Variants in MSN observed in about 807,000 individuals in gnomAD.
The protein encoded by MSN is epididymis luminal protein 70.
A neutral mutation model predicts 48.0 loss-of-function variants in MSN; 2 were observed. The ratio of observed to expected loss-of-function variants is 0.04; its 90% CI spans 0.02 to 0.13. The LOEUF (loss-of-function observed/expected upper bound fraction) is 0.13, where lower values mean the gene tolerates loss of function less well. MSN is among the 10% of genes least tolerant of loss of function. The pLI, the probability that MSN is intolerant of heterozygous loss-of-function variation, is 1.00. For missense variants in MSN, 267 were observed against 470.1 expected, an observed-to-expected ratio of 0.57 and a Z score of 3.99; for synonymous variants, 146 against 166.9, an observed-to-expected ratio of 0.87 and a Z score of 0.97.
chrX:65,653,545 A>G (rs759855594), intron 1 of MSN, among the ~76,000 whole-genome samples: 1 of 110,567 alleles, frequency 9.0e-6, no homozygotes, highest in Admixed American at 9.7e-5. Flanking sequence ...AGGGGCTACT[A>G]TACATTAGGC....
At position 65,741,067 on chromosome X, in the gene MSN, T is replaced by G. The variant is rs1030284558; in HGVS notation, c.*1174T>G. On this transcript the variant is annotated 3_prime_UTR_variant, in exon 13 of 13. Coordinates refer to ENST00000360270, the MANE Select transcript of MSN (RefSeq NM_002444.3). ...ACCCTCTCAGGTGACCAAAATCCCCTTCTCATCACTCCCCTCCAAAGAGGT... is the reference window on the plus strand; with the variant it reads ...ACCCTCTCAGGTGACCAAAATCCCCGTCTCATCACTCCCCTCCAAAGAGGT... 1.8e-5 allele frequency: 3 copies of G among 166,637 alleles called. No individual in the cohort carries two copies. The highest frequency in any genetic ancestry group is 8.1e-5 in the Admixed American group (1 of 12,276). The allele number at this position is 166,637 out of a possible 1,213,427, so 13.7% of individuals were successfully genotyped here.
chrX:65,627,852 G>A (rs1205859550), intron 1 of MSN, among the ~76,000 whole-genome samples: 2 of 112,183 alleles, frequency 1.8e-5, no homozygotes, highest in Non-Finnish European at 3.8e-5. Flanking sequence ...TACAATGGTA[G>A]TACAGGTATT....
chrX:65,716,545 G>C (rs1485313446), intron 1 of MSN: 1 of 387,961 alleles, frequency 2.6e-6, no homozygotes. Flanking sequence ...CAAAGTGCTG[G>C]GATTACAGGC....
At chrX:65,669,839 A>T (rs1296942188) in intron 1 of MSN, among the ~76,000 whole-genome samples, 1 of 110,700 alleles carries the variant, frequency 9.0e-6, no homozygotes, top group Non-Finnish European at 1.9e-5. Flanking sequence ...AAAAAAAACT[A>T]AAACTAAAAC....
chrX:65,642,494 A>G (rs2070665042), intron 1 of MSN, among the ~76,000 whole-genome samples: 1 of 111,400 alleles, frequency 9.0e-6, no homozygotes, highest in Non-Finnish European at 1.9e-5. Context: ...ACAAAGCGAC[A>G]CAAGTCATAG....
intron 4 of MSN, 118 bp from the exon 5 acceptor site, chrX:65,730,989 C>T: frequency 1.9e-6 from 1 of 517,482 alleles, no homozygotes. Flanking sequence ...AGTGTGACCT[C>T]AATTGGCTGA....
chrX:65,634,704 A>G (rs2070585714), intron 1 of MSN, among the ~76,000 whole-genome samples: 1 of 113,123 alleles, frequency 8.8e-6, no homozygotes, highest in African/African-American at 3.2e-5. Flanking sequence ...GATGACTAAT[A>G]TAAAATGTTT....
At chrX:65,687,668 T>C (rs1218208232) in intron 1 of MSN, among the ~76,000 whole-genome samples, 1 of 111,880 alleles carries the variant, frequency 8.9e-6, no homozygotes, top group Admixed American at 9.5e-5. Flanking sequence ...GTGCCTTCAC[T>C]GACCATCCCT....
chrX:65,622,021 G>A (rs917809108), intron 1 of MSN, among the ~76,000 whole-genome samples: 3 of 110,852 alleles, frequency 2.7e-5, no homozygotes, highest in Non-Finnish European at 5.7e-5. Context: ...TTTTGTTGTG[G>A]ATTATTTGGG....
chrX:65,680,523 T>G (rs765776533), intron 1 of MSN, among the ~76,000 whole-genome samples: 1 of 111,676 alleles, frequency 9.0e-6, no homozygotes, highest in Non-Finnish European at 1.9e-5. Flanking sequence ...TATAGATACA[T>G]TCCCATGAAT....
At chrX:65,722,406 T>TGC (rs1446986680) in intron 2 of MSN, among the ~76,000 whole-genome samples, 2 of 79,802 alleles carry the variant, frequency 2.5e-5, no homozygotes, top group Admixed American at 1.5e-4. Context: ...TGCACGCTCG[T>TGC]GTGTGTGTGT....
intron 1 of MSN, among the ~76,000 whole-genome samples, chrX:65,705,261 G>T (rs1423829437): frequency 8.9e-6 from 1 of 111,751 alleles, no homozygotes; most frequent in Non-Finnish European, 1.9e-5. Flanking sequence ...TAGAGGACAA[G>T]TTGAAGTTCA....
At chrX:65,616,120 A>C (rs1164331746) in intron 1 of MSN, among the ~76,000 whole-genome samples, 4 of 111,586 alleles carry the variant, frequency 3.6e-5, no homozygotes, top group South Asian at 7.5e-4. Context: ...CTTGTAGTAT[A>C]GTTTGAAGTC....
At chrX:65,713,305 C>T (rs2071431748) in intron 1 of MSN, among the ~76,000 whole-genome samples, 1 of 111,652 alleles carries the variant, frequency 9.0e-6, no homozygotes, top group South Asian at 3.8e-4. Context: ...TTTGTCCTCC[C>T]ACTGAGTTGG....
chrX:65,660,823 C>A (rs1018206236), intron 1 of MSN, among the ~76,000 whole-genome samples: 7 of 110,585 alleles, frequency 6.3e-5, no homozygotes, highest in Admixed American at 2.9e-4. Context: ...CCTCGGCCTC[C>A]CAAAGTGCTG....
intron 1 of MSN, among the ~76,000 whole-genome samples, chrX:65,654,235 A>T (rs1426113959): frequency 9.4e-6 from 1 of 106,862 alleles, no homozygotes; most frequent in East Asian, 2.9e-4. Flanking sequence ...CCTCCTGAGT[A>T]GCTGGGACTA....
chrX:65,611,957 A>T (rs1487145921), intron 1 of MSN, among the ~76,000 whole-genome samples: 1 of 112,113 alleles, frequency 8.9e-6, no homozygotes. Context: ...CCTAATGACT[A>T]AAAATGTTGA....
chrX:65,635,222 C>T (rs1162910081), intron 1 of MSN, among the ~76,000 whole-genome samples: 1 of 110,589 alleles, frequency 9.0e-6, no homozygotes, highest in Non-Finnish European at 1.9e-5. Context: ...CTTGTCTTTT[C>T]TTCTCTCTCT....
upstream of MSN, among the ~76,000 whole-genome samples, chrX:65,667,478 T>C (rs1415360415): frequency 1.8e-5 from 2 of 109,732 alleles, no homozygotes; most frequent in African/African-American, 3.3e-5. Context: ...GTAGCTACCC[T>C]AGGTCCGCCC....
Sources: gnomAD v4.1 joint callset for allele counts (sites outside exome capture counted in the v4.1 genomes callset) on GRCh38, gnomAD v4.1.1 for gene constraint, MANE v1.5 for transcripts, NCBI Gene and HGNC (gene_info 2026-07-23, HGNC 2026-07-21) for gene names.